The following EIF2B3 variants were observed in gnomAD, a reference collection of about 807,000 sequenced individuals.
The protein encoded by EIF2B3 is translation initiation factor eIF2B subunit gamma.
Under a neutral mutation model 54.1 loss-of-function variants are expected in EIF2B3, and 20 were observed. The observed-to-expected ratio is 0.37, with a 90% CI of 0.26 to 0.54. EIF2B3 has a LOEUF of 0.54. Among genes scored for constraint, EIF2B3 ranks in the 20% least tolerant of loss-of-function variants. The pLI, the probability that EIF2B3 is intolerant of heterozygous loss-of-function variation, is 0.86. For synonymous variants in EIF2B3, 153 were observed against 188.1 expected, an observed-to-expected ratio of 0.81 and a Z score of 1.52; for missense variants, 448 against 547.8, an observed-to-expected ratio of 0.82 and a Z score of 1.82.
chr1:44,946,554 G>A (rs1383372685), intron 3 of EIF2B3, among the ~76,000 whole-genome samples: 6 of 150,248 alleles, frequency 4.0e-5, no homozygotes, highest in African/African-American at 9.9e-5. Context: ...CTACCACCTC[G>A]GCTTCCTAAG....
At chr1:44,865,080 GT>G (rs944422606) in intron 10 of EIF2B3, among the ~76,000 whole-genome samples, 13 of 152,294 alleles carry the variant, frequency 8.5e-5, no homozygotes, top group African/African-American at 3.1e-4. Flanking sequence ...TTAGCTGGGT[GT>G]GGTGGCGCAC....
chr1:44,938,402 C>T (rs1643980607), intron 4 of EIF2B3, among the ~76,000 whole-genome samples: 1 of 152,162 alleles, frequency 6.6e-6, no homozygotes, highest in South Asian at 2.1e-4. Flanking sequence ...ATACCAGCTA[C>T]TTGGCAGGCT....
chr1:44,911,990 AATG>A (rs1213798658), intron 5 of EIF2B3, among the ~76,000 whole-genome samples: 2 of 150,694 alleles, frequency 1.3e-5, no homozygotes, highest in Non-Finnish European at 3.0e-5. Flanking sequence ...GTTTACTGAG[AATG>A]ATGATTTCCA....
In EIF2B3 at chr1:44,919,883, C is replaced by CTTTTTTTT. The variant is rs1194645004; in HGVS notation, c.566+6737_566+6744dup. On this transcript the variant is annotated intron_variant, in intron 5 of 11. Transcript: ENST00000360403. ...ACGCATGCGACAACATGCCTGGCTA[C>CTTTTTTTT]TTTTTTTTTTTTTTTTTTAGTAGAT... Among the ~76,000 whole-genome samples, 389 of 117,174 alleles carry CTTTTTTTT rather than the reference C, an allele frequency of 3.3e-3. 9 individuals carry two copies. Among genetic ancestry groups the CTTTTTTTT allele is most frequent in the East Asian group, 5.6e-3 (22 of 3,904 alleles). 76.9% of individuals were successfully genotyped at this position (117,174 alleles called of 152,430 possible).
At position 44,850,550 on chromosome 1, in the gene EIF2B3, A is replaced by G. The variant is rs116672991; in HGVS notation, c.*401T>C. The G allele has an allele frequency of 2.0e-3, 486 of 238,254 alleles. 2 individuals carry two copies. Among genetic ancestry groups the G allele is most frequent in the African/African-American group, 0.011 (471 of 43,902 alleles). 14.8% of individuals were successfully genotyped at this position (238,254 alleles called of 1,614,324 possible). ...CCAGCAGCTAGGCCTATGGGTCTAG[A>G]AAGGCTGATTAGGATAAGGGACTGA... On this transcript the variant is annotated 3_prime_UTR_variant, in exon 12 of 12. Coordinates refer to ENST00000360403, the MANE Select transcript of EIF2B3 (RefSeq NM_020365.5).
At chr1:44,931,863 T>C (rs1423906855) in intron 4 of EIF2B3, among the ~76,000 whole-genome samples, 1 of 152,228 alleles carries the variant, frequency 6.6e-6, no homozygotes, top group Non-Finnish European at 1.5e-5. Context: ...ACGCCTATAA[T>C]CCCAGCACTT....
chr1:44,941,188 T>C (rs1191294436), intron 4 of EIF2B3, among the ~76,000 whole-genome samples: 1 of 152,212 alleles, frequency 6.6e-6, no homozygotes, highest in Non-Finnish European at 1.5e-5. Flanking sequence ...CCTGGCCTAT[T>C]TTTAAAAGTT....
chr1:44,906,885 T>G (rs1008439396), intron 5 of EIF2B3, among the ~76,000 whole-genome samples: 2 of 152,196 alleles, frequency 1.3e-5, no homozygotes, highest in Non-Finnish European at 2.9e-5. Context: ...TATATATGAC[T>G]TACTCCTGTT....
chr1:44,905,914 T>C (rs890357202), intron 5 of EIF2B3, among the ~76,000 whole-genome samples: 1 of 152,174 alleles, frequency 6.6e-6, no homozygotes, highest in African/African-American at 2.4e-5. Context: ...AGAATCACAC[T>C]GCTGTTCACC....
intron 3 of EIF2B3, among the ~76,000 whole-genome samples, chr1:44,945,247 C>T (rs12740214): frequency 6.7e-6 from 1 of 148,912 alleles, no homozygotes; most frequent in African/African-American, 2.5e-5. Context: ...GATTTTAACT[C>T]TGAGACTAAA....
At chr1:44,955,569 T>C (rs1052615862) in intron 3 of EIF2B3, among the ~76,000 whole-genome samples, 3 of 151,616 alleles carry the variant, frequency 2.0e-5, no homozygotes, top group African/African-American at 7.3e-5. Flanking sequence ...ATCATCAGAG[T>C]GAACAAGCAA....
chr1:44,956,385 G>C (rs1644225243), intron 3 of EIF2B3, among the ~76,000 whole-genome samples: 1 of 152,006 alleles, frequency 6.6e-6, no homozygotes, highest in Admixed American at 6.6e-5. Context: ...GACTAGGAGA[G>C]GGATAGCATT....
intron 5 of EIF2B3, among the ~76,000 whole-genome samples, chr1:44,905,559 C>A (rs986940550): frequency 1.3e-5 from 2 of 151,804 alleles, no homozygotes; most frequent in Admixed American, 6.6e-5. Context: ...AAAATTGCTA[C>A]TAGAAGTGGT....
Position 44,879,930 on chromosome 1 carries a change from TCTC to T in EIF2B3, c.860_862del (p.Gly287del), listed in dbSNP as rs770829097. 6.2e-7 allele frequency: 1 copy of T among 1,614,118 alleles called. No individual in the cohort carries two copies. The highest frequency in any genetic ancestry group is 1.1e-5 in the South Asian group (1 of 91,070). Reference sequence around the variant, plus strand: ...TGATCTGGACAAGTCTTCCCACCTGTCTCCTCGACAGGCATTCCAGCAGGCATC... The same window carrying T: ...TGATCTGGACAAGTCTTCCCACCTGTCTCGACAGGCATTCCAGCAGGCATC... On this transcript the variant is annotated inframe_deletion, in exon 8 of 12. Coordinates refer to ENST00000360403, the MANE Select transcript of EIF2B3 (RefSeq NM_020365.5).
intron 6 of EIF2B3, among the ~76,000 whole-genome samples, chr1:44,895,073 T>C (rs540571522): frequency 6.6e-6 from 1 of 152,340 alleles, no homozygotes; most frequent in African/African-American, 2.4e-5. Flanking sequence ...TTTCAATATA[T>C]GCTCTTTGAT....
intron 6 of EIF2B3, among the ~76,000 whole-genome samples, chr1:44,889,462 G>C (rs1373867790): frequency 6.6e-6 from 1 of 151,910 alleles, no homozygotes; most frequent in Non-Finnish European, 1.5e-5. Flanking sequence ...GCTGGAACCT[G>C]GGAGGTGGAG....
intron 1 of EIF2B3, among the ~76,000 whole-genome samples, chr1:44,982,880 A>G (rs1644529479): frequency 6.6e-6 from 1 of 151,602 alleles, no homozygotes; most frequent in Non-Finnish European, 1.5e-5. Flanking sequence ...CTCCTGCCTC[A>G]GCCTCCCAAA....
At chr1:44,945,486 G>A (rs569862573) in intron 3 of EIF2B3, among the ~76,000 whole-genome samples, 8 of 151,572 alleles carry the variant, frequency 5.3e-5, no homozygotes, top group Admixed American at 3.3e-4. Context: ...CCCAGGGGGC[G>A]GAGCTTGCCG....
At position 44,897,448 on chromosome 1, in the gene EIF2B3, CA is replaced by C; in HGVS notation, c.567-5del. ...GTGGAAACGTATTCTAGGATGCCTG[CA>C]AAAAAATAAAAAATAAAAGAAAGAA... is the stretch of plus-strand genomic sequence containing the variant. On this transcript the variant is annotated splice_region_variant and splice_polypyrimidine_tract_variant and intron_variant, in intron 5 of 11. Coordinates refer to ENST00000360403, the MANE Select transcript of EIF2B3 (RefSeq NM_020365.5). 3.1e-6 allele frequency: 5 copies of C among 1,601,982 alleles called. No homozygotes were observed. The highest frequency in any genetic ancestry group is 1.7e-5 in the Admixed American group (1 of 59,156).
Sources: gnomAD v4.1 joint callset for allele counts (sites outside exome capture counted in the v4.1 genomes callset) on GRCh38, gnomAD v4.1.1 for gene constraint, MANE v1.5 for transcripts, NCBI Gene and HGNC (gene_info 2026-07-23, HGNC 2026-07-21) for gene names.